Variants in DNAJC3 observed in about 807,000 individuals in gnomAD.
The protein encoded by DNAJC3 is dnaJ homolog subfamily C member 3.
A neutral mutation model predicts 68.6 loss-of-function variants in DNAJC3; 38 were observed. That is an observed-to-expected ratio of 0.55 (90% CI 0.43 to 0.73). The LOEUF (loss-of-function observed/expected upper bound fraction) is 0.73. DNAJC3 is among the 30% of genes least tolerant of loss of function. DNAJC3 has a pLI of 0.00. For synonymous variants in DNAJC3, 203 were observed against 204.0 expected, an observed-to-expected ratio of 1.00 and a Z score of 0.04; for missense variants, 526 against 591.9, an observed-to-expected ratio of 0.89 and a Z score of 1.16.
At chr13:95,730,684 A>G (rs1881682096) in intron 4 of DNAJC3, among the ~76,000 whole-genome samples, 2 of 152,146 alleles carry the variant, frequency 1.3e-5, no homozygotes, top group Admixed American at 6.5e-5. Context: ...CTGGTTTTAT[A>G]CCAATACCAT....
intron 7 of DNAJC3, among the ~76,000 whole-genome samples, chr13:95,762,756 C>T (rs1318534479): frequency 6.6e-6 from 1 of 152,172 alleles, no homozygotes; most frequent in African/African-American, 2.4e-5. Context: ...TGTCCTGATG[C>T]TCTCCCTCCC....
intron 7 of DNAJC3, among the ~76,000 whole-genome samples, chr13:95,761,483 A>G (rs746615287): frequency 6.6e-6 from 1 of 152,190 alleles, no homozygotes; most frequent in Non-Finnish European, 1.5e-5. Context: ...AGTTGCCATC[A>G]TGAGAATGCT....
intron 1 of DNAJC3, among the ~76,000 whole-genome samples, chr13:95,686,945 T>C (rs1039991960): frequency 4.6e-5 from 7 of 152,228 alleles, no homozygotes; most frequent in African/African-American, 1.4e-4. Flanking sequence ...AGGAATTGTG[T>C]TGAATCTACA....
At chr13:95,734,871 A>T (rs954659221) in intron 4 of DNAJC3, among the ~76,000 whole-genome samples, 2 of 148,446 alleles carry the variant, frequency 1.3e-5, no homozygotes, top group African/African-American at 5.0e-5. Context: ...CACATTGTGC[A>T]GGTTAGTTAC....
At chr13:95,751,749 C>G (rs778554831) in intron 4 of DNAJC3, among the ~76,000 whole-genome samples, 1 of 152,122 alleles carries the variant, frequency 6.6e-6, no homozygotes, top group African/African-American at 2.4e-5. Context: ...AAGACATACC[C>G]GACACTGGGT....
rs141729675 is a variant in DNAJC3, at chr13:95,725,205, C to G, written c.346C>G (p.Leu116Val). 3 of 1,592,506 alleles carry G rather than the reference C, an allele frequency of 1.9e-6. No individual in the cohort carries two copies. The highest frequency in any genetic ancestry group is 1.3e-5 in the African/African-American group (1 of 74,084). ...AAGATTACAGAGAGGTCACTTATTACTCAAACAAGGAAAACTTGATGAAGC... is the reference window on the plus strand; with the variant it reads ...AAGATTACAGAGAGGTCACTTATTAGTCAAACAAGGAAAACTTGATGAAGC... ...AARLQRGHLL[L>V]KQGKLDEAED... Residue 116 changes from leucine to valine, a missense_variant, in exon 4 of 12, where the codon CTC becomes GTC. Coordinates refer to ENST00000602402, the MANE Select transcript of DNAJC3 (RefSeq NM_006260.5).
intron 9 of DNAJC3, among the ~76,000 whole-genome samples, chr13:95,781,709 G>A (rs945018860): frequency 1.3e-4 from 19 of 151,654 alleles, no homozygotes; most frequent in African/African-American, 4.4e-4. Flanking sequence ...TGGCTAATAC[G>A]CAACATGGTA....
intron 4 of DNAJC3, among the ~76,000 whole-genome samples, chr13:95,732,489 T>C (rs1881745053): frequency 6.6e-6 from 1 of 152,158 alleles, no homozygotes; most frequent in Admixed American, 6.5e-5. Context: ...CTTTGGGGGA[T>C]TTTTTTATAT....
chr13:95,715,485 T>C (rs1184546715), intron 2 of DNAJC3, among the ~76,000 whole-genome samples: 2 of 147,004 alleles, frequency 1.4e-5, no homozygotes, highest in African/African-American at 4.9e-5. Flanking sequence ...TTCTTTTTCT[T>C]TTTTTTTTTT....
intron 2 of DNAJC3, among the ~76,000 whole-genome samples, chr13:95,714,298 G>A (rs913834442): frequency 6.6e-6 from 1 of 152,002 alleles, no homozygotes; most frequent in Non-Finnish European, 1.5e-5. Context: ...AGGAGGCTGA[G>A]GCGGGAGGAC....
chr13:95,748,473 T>C (rs1882376693), intron 4 of DNAJC3, among the ~76,000 whole-genome samples: 1 of 152,210 alleles, frequency 6.6e-6, no homozygotes, highest in Non-Finnish European at 1.5e-5. Context: ...TTTAATTCTT[T>C]AATGCAGAAA....
intron 11 of DNAJC3, 26 bp from the exon 12 acceptor site, chr13:95,790,847 T>C: frequency 1.3e-6 from 2 of 1,596,064 alleles, no homozygotes; most frequent in Non-Finnish European, 1.7e-6. Flanking sequence ...TATTATCTGG[T>C]TCTTAATTTT....
Position 95,712,463 on chromosome 13 carries a change from G to A in DNAJC3, c.193+3126G>A, listed in dbSNP as rs544123780. Among the ~76,000 whole-genome samples the A allele has an allele frequency of 3.1e-4, 46 of 147,818 alleles. No individual in the cohort carries two copies. The East Asian group carries it at 6.4e-3, about 21-fold the overall frequency. ...GCAATCTCAGCTTACTGCAACCTCC[G>A]TCTCCCAGGTTTAGGCGATTCTCCT... On this transcript the variant is annotated intron_variant, in intron 2 of 11. Transcript: ENST00000602402.
chr13:95,704,439 G>A (rs78054045), intron 1 of DNAJC3, among the ~76,000 whole-genome samples: 2,603 of 152,330 alleles, frequency 0.017, 79 homozygotes, highest in African/African-American at 0.06. Context: ...TAGTGCTGCT[G>A]CTGAAGTCTT....
At chr13:95,719,485 A>T (rs1000990441) in intron 2 of DNAJC3, among the ~76,000 whole-genome samples, 2 of 152,010 alleles carry the variant, frequency 1.3e-5, no homozygotes, top group Non-Finnish European at 2.9e-5. Flanking sequence ...CAAAGTTCCA[A>T]CCTTTTCACC....
At chr13:95,790,705 C>T (rs1414590315) in intron 11 of DNAJC3, among the ~76,000 whole-genome samples, 168 bp from the exon 12 acceptor site, 1 of 152,000 alleles carries the variant, frequency 6.6e-6, no homozygotes, top group East Asian at 1.9e-4. Flanking sequence ...TCTGTTTCTT[C>T]AGGGTGGGAA....
rs574769457 is a variant in DNAJC3 at position 95,763,699 on chromosome 13, C to T, written c.905C>T (p.Ala302Val). The change falls in exon 8 of 12, where the codon GCT becomes GTT. Residue 302 changes from alanine to valine, a missense_variant. Ala to Val is a moderately conservative substitution (Grantham distance 64). Transcript: ENST00000602402. ...ESVMKTEPSI[A>V]EYTVRSKERI... is the part of the protein sequence containing the mutation. ...GTCATGAAAACAGAGCCAAGCATTG[C>T]TGAATATACAGTTCGTTCAAAGGAG... 1.2e-6 allele frequency: 2 copies of T among 1,614,054 alleles called. No homozygotes were observed. The highest frequency in any genetic ancestry group is 2.7e-5 in the African/African-American group (2 of 75,054).
intron 1 of DNAJC3, among the ~76,000 whole-genome samples, chr13:95,699,541 A>G (rs925869667): frequency 6.6e-6 from 1 of 152,180 alleles, no homozygotes; most frequent in South Asian, 2.1e-4. Flanking sequence ...GAAAAGCCTA[A>G]TAACTGTGGA....
At chr13:95,739,391 T>C (rs1390131537) in intron 4 of DNAJC3, among the ~76,000 whole-genome samples, 1 of 151,304 alleles carries the variant, frequency 6.6e-6, no homozygotes, top group Non-Finnish European at 1.5e-5. Flanking sequence ...ATTGGGGAAG[T>C]TCTCCTGGAT....
Sources: gnomAD v4.1 joint callset for allele counts (sites outside exome capture counted in the v4.1 genomes callset) on GRCh38, gnomAD v4.1.1 for gene constraint, MANE v1.5 for transcripts, NCBI Gene and HGNC (gene_info 2026-07-23, HGNC 2026-07-21) for gene names.